The following CMYA5 variants were observed in gnomAD, a reference collection of about 807,000 sequenced individuals.
CMYA5 encodes cardiomyopathy associated 5.
A neutral mutation model predicts 318.9 loss-of-function variants in CMYA5; 246 were observed. The observed-to-expected ratio is 0.77, with a 90% confidence interval of 0.70 to 0.86. The LOEUF is 0.86. Among genes scored for constraint, CMYA5 ranks in the 40% least tolerant of loss-of-function variants. The pLI, the probability that CMYA5 is intolerant of heterozygous loss-of-function variation, is 0.00. For missense variants in CMYA5, 4,589 were observed against 4,678.2 expected (o/e 0.98, Z 0.56); for synonymous variants, 1,641 against 1,729.5 (o/e 0.95, Z 1.27).
chr5:79,696,370 G>A (rs1395268745), intron 1 of CMYA5, among the ~76,000 whole-genome samples: 3 of 152,300 alleles, frequency 2.0e-5, no homozygotes, highest in South Asian at 4.1e-4. Flanking sequence ...GACAACCAAA[G>A]TGGATTCAGT....
intron 4 of CMYA5, among the ~76,000 whole-genome samples, chr5:79,745,696 T>G (rs987540830): frequency 2.0e-5 from 3 of 152,178 alleles, no homozygotes; most frequent in Non-Finnish European, 2.9e-5. Context: ...GCCTGCAGCA[T>G]CATCATCCAT....
In CMYA5 at chr5:79,732,401, T is replaced by A; in HGVS notation, c.3636T>A (p.Asp1212Glu). 6.2e-7 allele frequency: 1 copy of A among 1,613,738 alleles called. No individual in the cohort carries two copies. The highest frequency in any genetic ancestry group is 8.5e-7 in the Non-Finnish European group (1 of 1,179,794). ...TCAGAAAGGAAGAAATTGTGCCTGA[T>A]TCTCAAGAAGCTACAGCACATGTAT... ...SKVRKEEIVP[D>E]SQEATAHVSQ... Residue 1212 changes from aspartate (D) to glutamate (E), a missense_variant, in exon 2 of 13, where the codon GAT (aspartate) becomes GAA (glutamate). Around this residue, in one of 3 missense-constraint regions of CMYA5, gnomAD observed 2,132 missense variants for 2,131.3 expected, o/e 1.00. Transcript: ENST00000446378.
chr5:79,741,408 A>G (rs1396268415), intron 2 of CMYA5, among the ~76,000 whole-genome samples: 1 of 152,136 alleles, frequency 6.6e-6, no homozygotes, highest in Non-Finnish European at 1.5e-5. Context: ...TTTCAATATG[A>G]TCATTCAATT....
intron 4 of CMYA5, 101 bp downstream of exon 4, chr5:79,745,556 C>A: frequency 1.3e-6 from 1 of 777,154 alleles, no homozygotes; most frequent in Non-Finnish European, 2.1e-6. Context: ...ATTTATATCT[C>A]TGTGTGGGAT....
At chr5:79,770,423 C>CT (rs962592263) in intron 9 of CMYA5, among the ~76,000 whole-genome samples, 22 of 138 alleles carry the variant, frequency 0.16, no homozygotes, top group Admixed American at 0.4. Flanking sequence ...AAACCCAGGG[C>CT]CTGGTGGTGT....
chr5:79,776,828 C>T (rs556099228), intron 9 of CMYA5, among the ~76,000 whole-genome samples: 1 of 149,878 alleles, frequency 6.7e-6, no homozygotes, highest in African/African-American at 2.5e-5. Context: ...ACTGCAGTGA[C>T]GACACTAACT....
At chr5:79,766,133 C>T (rs1828746363) in intron 9 of CMYA5, among the ~76,000 whole-genome samples, 1 of 152,128 alleles carries the variant, frequency 6.6e-6, no homozygotes, top group Admixed American at 6.5e-5. Context: ...GGGTGTCCCT[C>T]TGTCAACCAA....
chr5:79,733,491 T>G lies in CMYA5; in HGVS notation c.4726T>G (p.Leu1576Val). ...AAGTTCATCTCCTGAGTTGGAAAATTTAGCATCAGGTTTAGCCCCAACATT... is the reference window on the plus strand; with the variant it reads ...AAGTTCATCTCCTGAGTTGGAAAATGTAGCATCAGGTTTAGCCCCAACATT... ...TASSSPELEN[L>V]ASGLAPTLLL... is the part of the protein sequence containing the mutation. The change falls in exon 2 of 13, where the codon TTA becomes GTA. Residue 1576 changes from leucine to valine, a missense_variant. Physicochemically the swap from Leu to Val is conservative, Grantham distance 32. Transcript: ENST00000446378. 1 of 1,613,942 alleles carries G rather than the reference T, an allele frequency of 6.2e-7. No individual in the cohort carries two copies.
intron 9 of CMYA5, among the ~76,000 whole-genome samples, chr5:79,775,443 A>T (rs1828921398): frequency 6.6e-6 from 1 of 152,208 alleles, no homozygotes; most frequent in South Asian, 2.1e-4. Context: ...CAAATAATGC[A>T]GGACTGAAGA....
chr5:79,706,474 A>G (rs573013648), intron 1 of CMYA5, among the ~76,000 whole-genome samples: 1 of 152,310 alleles, frequency 6.6e-6, no homozygotes, highest in African/African-American at 2.4e-5. Context: ...AAGCTAGACA[A>G]CCGGTTAGAC....
chr5:79,709,477 T>C (rs866966075), intron 1 of CMYA5, among the ~76,000 whole-genome samples: 4 of 152,184 alleles, frequency 2.6e-5, no homozygotes, highest in Non-Finnish European at 5.9e-5. Flanking sequence ...AGTATGGTTT[T>C]CTTTCAGGGC....
intron 1 of CMYA5, among the ~76,000 whole-genome samples, chr5:79,692,166 G>T (rs1826981570): frequency 6.6e-6 from 1 of 152,082 alleles, no homozygotes; most frequent in Non-Finnish European, 1.5e-5. Context: ...AAAGGGAGGG[G>T]GGTGTAGTGT....
Position 79,730,531 on chromosome 5 carries a change from C to G in CMYA5, c.1766C>G (p.Ser589Cys), listed in dbSNP as rs1376682141. Residue 589 changes from serine to cysteine, a missense_variant, in exon 2 of 13, where the codon TCT (serine) becomes TGT (cysteine). Around this residue, in one of 3 missense-constraint regions of CMYA5, gnomAD observed 2,132 missense variants for 2,131.3 expected, o/e 1.00. Transcript: ENST00000446378. ...EEEREEIASV[S>C]TGSAFVSEYS... ...GAAAGAGAGGAAATTGCATCTGTTTCTACTGGTTCTGCTTTTGTATCAGAG... is the reference window on the plus strand; with the variant it reads ...GAAAGAGAGGAAATTGCATCTGTTTGTACTGGTTCTGCTTTTGTATCAGAG... 6.2e-7 allele frequency: 1 copy of G among 1,613,982 alleles called. No homozygotes were observed.
Position 79,736,472 on chromosome 5 carries a change from T to C in CMYA5, c.7707T>C (p.Ser2569=), listed in dbSNP as rs1308794863. 1.2e-6 allele frequency: 2 copies of C among 1,610,808 alleles called. No individual in the cohort carries two copies. Residue 2569 remains serine, a synonymous_variant, in exon 2 of 13, where the codon AGT becomes AGC. Coordinates refer to ENST00000446378, the MANE Select transcript of CMYA5 (RefSeq NM_153610.5). Reference sequence around the variant, plus strand: ...CTGTGAATGTAGCCGAGTCTATGAGTAGAGAATCAGATATCTCTTTAGGTC... The same window carrying C: ...CTGTGAATGTAGCCGAGTCTATGAGCAGAGAATCAGATATCTCTTTAGGTC... The part of the protein sequence containing the change: ...PYSVNVAESM[S]RESDISLGHS...
At chr5:79,699,136 C>T (rs888590551) in intron 1 of CMYA5, among the ~76,000 whole-genome samples, 28 of 151,804 alleles carry the variant, frequency 1.8e-4, no homozygotes, top group African/African-American at 4.1e-4. Context: ...CCAGCCTGGG[C>T]GAGAGAGTGA....
Position 79,799,862 on chromosome 5 carries a change from T to TAATGATACG in CMYA5, c.*246_*247insAATGATACG. ...TTAGTTTATATAAGTTTGAGTTCTT[T>TAATGATACG]CCTAAATTAAAAGATCTACACTTGA... On this transcript the variant is annotated 3_prime_UTR_variant, in exon 13 of 13. Coordinates refer to ENST00000446378, the MANE Select transcript of CMYA5 (RefSeq NM_153610.5). 1 of 200,592 alleles carries TAATGATACG rather than the reference T, an allele frequency of 5.0e-6. No individual in the cohort carries two copies. The allele number at this position is 200,592 out of a possible 1,614,324, so 12.4% of individuals were successfully genotyped here. A position where few individuals can be genotyped will look rare whatever the true frequency, so the allele number is the denominator to read the frequency against.
At chr5:79,704,887 A>G (rs1362637186) in intron 1 of CMYA5, among the ~76,000 whole-genome samples, 1 of 152,216 alleles carries the variant, frequency 6.6e-6, no homozygotes. Flanking sequence ...TCTTTAAAAT[A>G]AAAACCCTCT....
rs145744122 is a variant in CMYA5, at chr5:79,763,071, C to A, written c.11417C>A (p.Thr3806Asn). Residue 3806 changes from threonine to asparagine, a missense_variant, in exon 9 of 13, where the codon ACC (threonine) becomes AAC (asparagine). Thr to Asn is a moderately conservative substitution (Grantham distance 65). Coordinates refer to ENST00000446378, the MANE Select transcript of CMYA5 (RefSeq NM_153610.5). The stretch of plus-strand genomic sequence containing the variant: ...GACTCTCTTTCTGCAGCACCCTCCA[C>A]CCCTGTGATCCGCGCTGAGGACTGT... ...ERAIFRTAPS[T>N]PVIRAEDCTV... The A allele has an allele frequency of 6.2e-7, 1 of 1,613,464 alleles. No homozygotes were observed.
chr5:79,765,617 A>C (rs1828736822), intron 9 of CMYA5, among the ~76,000 whole-genome samples: 1 of 152,172 alleles, frequency 6.6e-6, no homozygotes, highest in Admixed American at 6.5e-5. Flanking sequence ...CTTTCTATCC[A>C]TGAGCATGGA....
Sources: gnomAD v4.1 joint callset for allele counts (sites outside exome capture counted in the v4.1 genomes callset) on GRCh38, gnomAD v4.1.1 for gene constraint, gnomAD v4.1.1 regional missense constraint, MANE v1.5 for transcripts, NCBI Gene and HGNC (gene_info 2026-07-23, HGNC 2026-07-21) for gene names.